The following STAT3 variants were observed in gnomAD, a reference collection of about 807,000 sequenced individuals.
STAT3 encodes DNA-binding protein APRF.
A neutral mutation model predicts 114.3 loss-of-function variants in STAT3; 7 were observed. The ratio of observed to expected loss-of-function variants is 0.06; its 90% CI spans 0.03 to 0.11. The LOEUF (loss-of-function observed/expected upper bound fraction) is 0.11. Among genes scored for constraint, STAT3 ranks in the 10% least tolerant of loss-of-function variants. The pLI, the probability that STAT3 is intolerant of heterozygous loss-of-function variation, is 1.00. For synonymous variants in STAT3, 331 were observed against 354.5 expected (o/e 0.93, Z 0.74); for missense variants, 364 against 960.9 (o/e 0.38, Z 8.21).
chr17:42,372,087 G>C (rs2084182382), intron 1 of STAT3, among the ~76,000 whole-genome samples: 2 of 152,228 alleles, frequency 1.3e-5, no homozygotes, highest in Admixed American at 1.3e-4. Flanking sequence ...TGAAGATGTG[G>C]AGTAACAGGA....
Position 42,329,733 on chromosome 17 carries a change from T to C in STAT3, c.1139+14A>G. 1 of 1,614,236 alleles carries C rather than the reference T, an allele frequency of 6.2e-7. No individual in the cohort carries two copies. The highest frequency in any genetic ancestry group is 8.5e-7 in the Non-Finnish European group (1 of 1,180,032). ...GTTAAACGGAACAAAAGGAAGCCTC[T>C]AGGCTGAACTTACCCTCTGAGAGCT... is the stretch of plus-strand genomic sequence containing the variant. On this transcript the variant is annotated intron_variant, in intron 12 of 23. Coordinates refer to ENST00000264657, the MANE Select transcript of STAT3 (RefSeq NM_139276.3).
At chr17:42,346,180 T>C (rs1285363714) in intron 3 of STAT3, among the ~76,000 whole-genome samples, 2 of 152,120 alleles carry the variant, frequency 1.3e-5, no homozygotes, top group Non-Finnish European at 2.9e-5. Flanking sequence ...TGCCTGGCCT[T>C]GTCTGAGTCT....
At chr17:42,355,907 G>C (rs1333707895) in intron 1 of STAT3, among the ~76,000 whole-genome samples, 1 of 152,228 alleles carries the variant, frequency 6.6e-6, no homozygotes, top group African/African-American at 2.4e-5. Context: ...AAGGCGGAAA[G>C]AGAGACGAAA....
chr17:42,318,646 C>T (rs144008965), intron 21 of STAT3, among the ~76,000 whole-genome samples: 142 of 152,148 alleles, frequency 9.3e-4, no homozygotes, highest in African/African-American at 2.7e-3. Context: ...TTCAGGTGAA[C>T]AAACCATTGA....
At chr17:42,318,752 T>C (rs913027776) in intron 21 of STAT3, among the ~76,000 whole-genome samples, 15 of 152,068 alleles carry the variant, frequency 9.9e-5, no homozygotes, top group African/African-American at 3.4e-4. Context: ...ATGATGACCA[T>C]GTGAAAGAAG....
At chr17:42,335,439 G>A (rs961019437) in intron 8 of STAT3, among the ~76,000 whole-genome samples, 9 of 152,102 alleles carry the variant, frequency 5.9e-5, no homozygotes, top group African/African-American at 1.4e-4. Flanking sequence ...TGATCCTCCC[G>A]ACTCTGCCTC....
intron 4 of STAT3, among the ~76,000 whole-genome samples, chr17:42,341,014 A>G (rs1156945405): frequency 6.6e-6 from 1 of 152,092 alleles, no homozygotes; most frequent in Non-Finnish European, 1.5e-5. Context: ...CTACCCCAAG[A>G]TCTAACTCAG....
At chr17:42,388,171 C>A in intron 1 of STAT3, 108 bp downstream of exon 1, 3 of 1,175,826 alleles carry the variant, frequency 2.6e-6, no homozygotes, top group Non-Finnish European at 3.2e-6. Flanking sequence ...CTCCCGGCCC[C>A]ACTGCAGCGT....
intron 1 of STAT3, among the ~76,000 whole-genome samples, chr17:42,383,455 G>A (rs1265276643): frequency 6.6e-6 from 1 of 151,256 alleles, no homozygotes; most frequent in Non-Finnish European, 1.5e-5. Flanking sequence ...CTCTTGCCTC[G>A]GCCTTCCAAA....
At chr17:42,328,466 G>A (rs2081839906) in intron 14 of STAT3, among the ~76,000 whole-genome samples, 1 of 152,154 alleles carries the variant, frequency 6.6e-6, no homozygotes, top group African/African-American at 2.4e-5. Flanking sequence ...AGAGTGCAGT[G>A]GCAAAATCTT....
At position 42,324,613 on chromosome 17, in the gene STAT3, G is replaced by A; in HGVS notation, c.1600+98C>T. ...GCGCCTTGCTCAGGAAAGAAACATG[G>A]CCTAATGCTCAGTAGACATGGCCCA... On this transcript the variant is annotated intron_variant, in intron 17 of 23. Coordinates refer to ENST00000264657, the MANE Select transcript of STAT3 (RefSeq NM_139276.3). The surrounding 1 kb of genome is among the most constrained non-coding windows in gnomAD (Gnocchi z 4.5). The A allele has an allele frequency of 6.8e-7, 1 of 1,476,276 alleles. No individual in the cohort carries two copies. The highest frequency in any genetic ancestry group is 9.0e-7 in the Non-Finnish European group (1 of 1,105,030). 91.4% of individuals were successfully genotyped at this position (1,476,276 alleles called of 1,614,324 possible).
Position 42,315,325 on chromosome 17 carries a change from G to T in STAT3, c.*420C>A. ...TGCCAGGAGTATGTAGCTATAGGTG[G>T]CCTGTGGCATTTGCTTACAGAAACA... On this transcript the variant is annotated 3_prime_UTR_variant, in exon 24 of 24. Coordinates refer to ENST00000264657, the MANE Select transcript of STAT3 (RefSeq NM_139276.3). 2.5e-6 allele frequency: 1 copy of T among 404,918 alleles called. No homozygotes were observed. The highest frequency in any genetic ancestry group is 4.2e-5 in the Admixed American group (1 of 23,826). The allele number at this position is 404,918 out of a possible 1,614,324, so 25.1% of individuals were successfully genotyped here.
rs1178151631 is a variant in STAT3, at chr17:42,323,363, A to G, written c.1654-9T>C. On this transcript the variant is annotated splice_polypyrimidine_tract_variant and intron_variant, in intron 18 of 23. Coordinates refer to ENST00000264657, the MANE Select transcript of STAT3 (RefSeq NM_139276.3). ...TTGCCAGCCATGTTTTCCTGGAGAA[A>G]AGAGTAATGGGAAAGCCAAGTCTAC... 2.5e-6 allele frequency: 4 copies of G among 1,614,072 alleles called. No individual in the cohort carries two copies. Among genetic ancestry groups the G allele is most frequent in the African/African-American group, 1.3e-5 (1 of 75,008 alleles).
In STAT3 at chr17:42,329,788, C is replaced by A; in HGVS notation, c.1110-12G>T. ...CGTCCCCAGAGTCTCTGTAAGAACACAGACTGTTGTTAATAAAATAGGCTC... is the reference window on the plus strand; with the variant it reads ...CGTCCCCAGAGTCTCTGTAAGAACAAAGACTGTTGTTAATAAAATAGGCTC... On this transcript the variant is annotated splice_polypyrimidine_tract_variant and intron_variant, in intron 11 of 23. Transcript: ENST00000264657. 2 of 1,614,072 alleles carry A rather than the reference C, an allele frequency of 1.2e-6. No homozygotes were observed. Among genetic ancestry groups the A allele is most frequent in the Non-Finnish European group, 1.7e-6 (2 of 1,179,926 alleles).
At chr17:42,378,814 G>A (rs1051598368) in intron 1 of STAT3, among the ~76,000 whole-genome samples, 5 of 152,160 alleles carry the variant, frequency 3.3e-5, no homozygotes, top group African/African-American at 7.2e-5. Context: ...TGTGGGGAGA[G>A]AAGGGGAAAA....
chr17:42,334,655 G>C (rs1205171919), intron 8 of STAT3, among the ~76,000 whole-genome samples: 1 of 152,076 alleles, frequency 6.6e-6, no homozygotes, highest in African/African-American at 2.4e-5. Context: ...TTGTTGGCCA[G>C]GCTGGTCTTG....
chr17:42,327,199 T>C (rs1309459775), intron 14 of STAT3, among the ~76,000 whole-genome samples: 1 of 150,966 alleles, frequency 6.6e-6, no homozygotes, highest in African/African-American at 2.4e-5. Flanking sequence ...CCCAACCCCA[T>C]CCCCTTCCCT....
chr17:42,339,654 T>G (rs947171759), intron 4 of STAT3, among the ~76,000 whole-genome samples: 1 of 152,134 alleles, frequency 6.6e-6, no homozygotes, highest in African/African-American at 2.4e-5. Flanking sequence ...GGTCTATGCC[T>G]TCAAAAACCT....
chr17:42,377,260 G>A (rs1226966348), intron 1 of STAT3, among the ~76,000 whole-genome samples: 2 of 151,966 alleles, frequency 1.3e-5, no homozygotes, highest in Non-Finnish European at 2.9e-5. Flanking sequence ...TTTGTTTTTT[G>A]AGACAGAATC....
Sources: allele counts gnomAD v4.1 joint callset (sites outside exome capture counted in the v4.1 genomes callset), GRCh38; gene constraint gnomAD v4.1.1; non-coding constraint Gnocchi (gnomAD v3.1); transcripts MANE v1.5; gene names NCBI Gene and HGNC (gene_info 2026-07-23, HGNC 2026-07-21).